Variants in NID2 observed in about 807,000 individuals in gnomAD.
The protein encoded by NID2 is nidogen 2.
In NID2, 83 loss-of-function variants were observed where a neutral mutation model predicts 145.4. That is an observed-to-expected ratio of 0.57 (90% CI 0.48 to 0.69). The LOEUF (loss-of-function observed/expected upper bound fraction) is 0.69. Among genes scored for constraint, NID2 ranks in the 30% least tolerant of loss-of-function variants. The pLI is 0.00. For missense variants in NID2, 1,807 were observed against 1,765.7 expected, an observed-to-expected ratio of 1.02 and a Z score of -0.42; for synonymous variants, 739 against 701.3, an observed-to-expected ratio of 1.05 and a Z score of -0.85.
rs1301930082 is a variant in NID2, at chr14:52,068,937, G to C, written c.58C>G (p.Leu20Val). 1 of 1,613,640 alleles carries C rather than the reference G, an allele frequency of 6.2e-7. No individual in the cohort carries two copies. The highest frequency in any genetic ancestry group is 2.2e-5 in the East Asian group (1 of 44,852). Residue 20 changes from leucine to valine, a missense_variant, in exon 1 of 22, where the codon CTG becomes GTG. Coordinates refer to ENST00000216286, the MANE Select transcript of NID2 (RefSeq NM_007361.4). ...PVLSSLPVLL[L>V]LPLLMLRAAA... Reference sequence around the variant, plus strand: ...GCCCGCAACATTAGCAACGGCAGCAGCAGTAGCACTGGTAACGACGACAGC... The same window carrying C: ...GCCCGCAACATTAGCAACGGCAGCACCAGTAGCACTGGTAACGACGACAGC...
intron 5 of NID2, among the ~76,000 whole-genome samples, chr14:52,048,959 TAC>T (rs1347851358): frequency 1.3e-5 from 2 of 152,070 alleles, no homozygotes; most frequent in African/African-American, 2.4e-5. Context: ...CTTTGAGAAA[TAC>T]AGTTTCTAGT....
chr14:52,010,742 C>A (rs1890981180), intron 18 of NID2, 134 bp downstream of exon 18: 1 of 833,960 alleles, frequency 1.2e-6, no homozygotes, highest in East Asian at 2.5e-5. Context: ...CTTAGATCCT[C>A]AGTAAATCTT....
intron 5 of NID2, 35 bp downstream of exon 5, chr14:52,053,544 T>G: frequency 6.3e-7 from 1 of 1,580,716 alleles, no homozygotes; most frequent in Non-Finnish European, 8.6e-7. Flanking sequence ...ATGGTTAAGA[T>G]GAAACCTTAG....
intron 16 of NID2, among the ~76,000 whole-genome samples, chr14:52,013,522 C>T (rs1891106518): frequency 1.3e-5 from 2 of 152,192 alleles, no homozygotes; most frequent in African/African-American, 4.8e-5. Context: ...ACTATTCTTT[C>T]TCAGGGATGA....
intron 14 of NID2, 92 bp downstream of exon 14, chr14:52,018,969 G>A (rs988388838): frequency 1.2e-6 from 1 of 865,746 alleles, no homozygotes; most frequent in Non-Finnish European, 1.9e-6. Flanking sequence ...GAAGGATGGT[G>A]ACTGGCCCCG....
At chr14:52,021,110 G>A (rs1304293508) in intron 12 of NID2, among the ~76,000 whole-genome samples, 4 of 152,024 alleles carry the variant, frequency 2.6e-5, no homozygotes, top group Non-Finnish European at 5.9e-5. Context: ...GTCTTTCAGA[G>A]TAAAAGGAGG....
chr14:52,036,722 T>C (rs1001097669), intron 9 of NID2, among the ~76,000 whole-genome samples: 2 of 152,194 alleles, frequency 1.3e-5, no homozygotes, highest in African/African-American at 4.8e-5. Flanking sequence ...TAGTATCTCA[T>C]TGTGGTTTTG....
intron 5 of NID2, among the ~76,000 whole-genome samples, chr14:52,048,591 CT>C (rs1274528638): frequency 6.6e-6 from 1 of 152,112 alleles, no homozygotes; most frequent in African/African-American, 2.4e-5. Context: ...TCTTCCTATT[CT>C]AGTTAGAAGA....
At chr14:52,030,626 GAGAA>G (rs1891820258) in intron 9 of NID2, among the ~76,000 whole-genome samples, 1 of 124,854 alleles carries the variant, frequency 8.0e-6, no homozygotes, top group African/African-American at 2.9e-5. Flanking sequence ...AAGAAAGAAA[GAGAA>G]AGAAAGAGAA....
chr14:52,038,937 A>G lies in NID2; in HGVS notation c.2067T>C (p.Phe689=), dbSNP rs150250347. The change falls in exon 9 of 22, where the codon TTT becomes TTC. Residue 689 remains phenylalanine, a synonymous_variant. Transcript: ENST00000216286. The part of the protein sequence containing the change: ...STSSRDYSLT[F]GAINQTWSYR... Reference sequence around the variant, plus strand: ...AGGACCATGTTTGGTTGATTGCACCAAAAGTCAGAGAGTAGTCTCTGGAAC... The same window carrying G: ...AGGACCATGTTTGGTTGATTGCACCGAAAGTCAGAGAGTAGTCTCTGGAAC... The G allele has an allele frequency of 1.0e-4, 164 of 1,613,890 alleles. No homozygotes were observed. The highest frequency in any genetic ancestry group is 9.9e-4 in the Middle Eastern group (6 of 6,084).
At chr14:52,026,789 A>T (rs1891600095) in intron 12 of NID2, among the ~76,000 whole-genome samples, 1 of 152,220 alleles carries the variant, frequency 6.6e-6, no homozygotes, top group Admixed American at 6.5e-5. Context: ...GAAAGAGGAG[A>T]AAAATTAGAA....
chr14:52,065,344 C>G (rs1893152428), intron 2 of NID2, among the ~76,000 whole-genome samples: 1 of 151,952 alleles, frequency 6.6e-6, no homozygotes, highest in South Asian at 2.1e-4. Context: ...AAGTCTATCT[C>G]CAAAGAACTA....
At chr14:52,010,765 G>T in intron 18 of NID2, 111 bp downstream of exon 18, 1 of 1,017,572 alleles carries the variant, frequency 9.8e-7, no homozygotes, top group Non-Finnish European at 1.5e-6. Flanking sequence ...TTACATGAAT[G>T]CATTTGAGCT....
intron 3 of NID2, among the ~76,000 whole-genome samples, chr14:52,057,425 G>A (rs759841715): frequency 1.3e-5 from 2 of 152,122 alleles, no homozygotes; most frequent in Non-Finnish European, 2.9e-5. Flanking sequence ...TAAACAGGCC[G>A]GGTATGGTGG....
intron 19 of NID2, 145 bp from the exon 20 acceptor site, chr14:52,006,805 C>T: frequency 1.2e-6 from 1 of 801,606 alleles, no homozygotes; most frequent in Non-Finnish European, 1.9e-6. Context: ...GTAAAATTAC[C>T]TGTCCTATTA....
intron 10 of NID2, 144 bp downstream of exon 10, chr14:52,029,403 C>G: frequency 1.3e-6 from 1 of 780,714 alleles, no homozygotes; most frequent in Non-Finnish European, 2.0e-6. Flanking sequence ...TTTTAAATAA[C>G]TATATTCAGA....
intron 9 of NID2, among the ~76,000 whole-genome samples, chr14:52,036,909 A>T (rs1460369823): frequency 6.6e-6 from 1 of 152,174 alleles, no homozygotes; most frequent in Non-Finnish European, 1.5e-5. Flanking sequence ...CACATGATTT[A>T]AAATACTGTC....
chr14:52,033,700 G>A (rs2140387204), intron 9 of NID2, among the ~76,000 whole-genome samples: 1 of 152,328 alleles, frequency 6.6e-6, no homozygotes, highest in African/African-American at 2.4e-5. Flanking sequence ...ACTTTTGGGT[G>A]TTTCTTTTTT....
In NID2 at chr14:52,005,082, G is replaced by T. The variant is rs925979149; in HGVS notation, c.*404C>A. 6.1e-6 allele frequency: 1 copy of T among 165,202 alleles called. No individual in the cohort carries two copies. Among genetic ancestry groups the T allele is most frequent in the Non-Finnish European group, 1.3e-5 (1 of 76,716 alleles). The allele number at this position is 165,202 out of a possible 1,614,324, so 10.2% of individuals were successfully genotyped here. The stretch of plus-strand genomic sequence containing the variant: ...GGCTTCTCCAACTGTCAAGGTTTAG[G>T]ATTATATTGTTATATTGATCACATG... On this transcript the variant is annotated 3_prime_UTR_variant, in exon 22 of 22. Coordinates refer to ENST00000216286, the MANE Select transcript of NID2 (RefSeq NM_007361.4).
Sources: allele counts gnomAD v4.1 joint callset (sites outside exome capture counted in the v4.1 genomes callset), GRCh38; gene constraint gnomAD v4.1.1; transcripts MANE v1.5; gene names NCBI Gene and HGNC (gene_info 2026-07-23, HGNC 2026-07-21).